The following SLC13A1 variants were observed in gnomAD, a reference collection of about 807,000 sequenced individuals.
The protein encoded by SLC13A1 is Na(+)/sulfate cotransporter.
A neutral mutation model predicts 70.0 loss-of-function variants in SLC13A1; 65 were observed. The observed-to-expected ratio is 0.93, with a 90% confidence interval of 0.76 to 1.14. SLC13A1 has a LOEUF of 1.14. Ranked by LOEUF, SLC13A1 falls within the 50% of genes most tolerant of loss-of-function variation. The probability of loss-of-function intolerance (pLI) is 0.00; values close to 1 mark genes in which losing one functional copy is unlikely to be tolerated. For missense variants in SLC13A1, 726 were observed against 717.8 expected (o/e 1.01, Z -0.13); for synonymous variants, 275 against 250.5 (o/e 1.10, Z -0.92).
intron 2 of SLC13A1, among the ~76,000 whole-genome samples, chr7:123,173,642 G>C (rs2116574223): frequency 6.6e-6 from 1 of 152,016 alleles, no homozygotes; most frequent in African/African-American, 2.4e-5. Context: ...AATACTGTTT[G>C]TTTACGTGCT....
At chr7:123,118,782 C>T (rs1379183933) in intron 13 of SLC13A1, among the ~76,000 whole-genome samples, 1 of 152,060 alleles carries the variant, frequency 6.6e-6, no homozygotes, top group Admixed American at 6.6e-5. Flanking sequence ...AATTCCAAGT[C>T]TTACATCTGA....
intron 6 of SLC13A1, among the ~76,000 whole-genome samples, chr7:123,162,345 A>C (rs1794943689): frequency 6.6e-6 from 1 of 152,154 alleles, no homozygotes; most frequent in Non-Finnish European, 1.5e-5. Flanking sequence ...CCATCAATGG[A>C]GATAGCACTT....
At chr7:123,132,670 T>G (rs1322889663) in intron 8 of SLC13A1, among the ~76,000 whole-genome samples, 1 of 152,220 alleles carries the variant, frequency 6.6e-6, no homozygotes, top group Non-Finnish European at 1.5e-5. Context: ...CATAGCTGGC[T>G]TCAGTCTCTC....
intron 8 of SLC13A1, among the ~76,000 whole-genome samples, chr7:123,132,190 A>C (rs1793787773): frequency 6.6e-6 from 1 of 152,068 alleles, no homozygotes. Flanking sequence ...CTGCTCCCAC[A>C]ATCTGGATAG....
rs1398854362 is a variant in SLC13A1, at chr7:123,171,445, A to G, written c.365+323T>C. On this transcript the variant is annotated intron_variant, in intron 3 of 14. Transcript: ENST00000194130. ...GCCAAATAAACAAGATCGGAGGAAA[A>G]TCTACTCTGAAGTCTATCAATCTTG... Among the ~76,000 whole-genome samples the G allele has an allele frequency of 2.6e-5, 4 of 152,290 alleles. No individual in the cohort carries two copies. The East Asian group carries it at 7.7e-4, about 29-fold the overall frequency.
intron 1 of SLC13A1, among the ~76,000 whole-genome samples, chr7:123,189,931 A>T (rs942092028): frequency 6.7e-6 from 1 of 149,194 alleles, no homozygotes; most frequent in Non-Finnish European, 1.5e-5. Context: ...CATCTTTTTT[A>T]AAAAAATTCT....
chr7:123,140,281 T>C (rs1794090495), intron 7 of SLC13A1, among the ~76,000 whole-genome samples: 2 of 152,186 alleles, frequency 1.3e-5, no homozygotes, highest in South Asian at 2.1e-4. Flanking sequence ...CAGGGATAAA[T>C]GCCATTTGGT....
chr7:123,179,881 C>T (rs1345708475), intron 2 of SLC13A1, among the ~76,000 whole-genome samples: 2 of 152,144 alleles, frequency 1.3e-5, no homozygotes, highest in South Asian at 4.1e-4. Flanking sequence ...ATTTGACACC[C>T]TATTTTTAAC....
chr7:123,174,923 G>A (rs535016697), intron 2 of SLC13A1, among the ~76,000 whole-genome samples: 1 of 151,998 alleles, frequency 6.6e-6, no homozygotes, highest in East Asian at 1.9e-4. Flanking sequence ...CATGGAAGAT[G>A]TCAGTTCTTC....
chr7:123,164,509 G>A (rs181487604), intron 6 of SLC13A1, among the ~76,000 whole-genome samples: 56 of 151,450 alleles, frequency 3.7e-4, no homozygotes, highest in African/African-American at 1.1e-3. Context: ...AATTTCATTA[G>A]AAATAAAATT....
At chr7:123,129,708 C>T (rs1461127868) in intron 8 of SLC13A1, among the ~76,000 whole-genome samples, 6 of 152,010 alleles carry the variant, frequency 3.9e-5, no homozygotes, top group African/African-American at 7.2e-5. Flanking sequence ...CTCACTTTTT[C>T]GTGTTCAATT....
intron 6 of SLC13A1, among the ~76,000 whole-genome samples, chr7:123,152,826 G>C (rs1282185902): frequency 6.6e-6 from 1 of 151,884 alleles, no homozygotes; most frequent in African/African-American, 2.4e-5. Context: ...ATTGAAATTT[G>C]ACACAAAATA....
Position 123,128,463 on chromosome 7 carries a change from G to T in SLC13A1, c.1133+382C>A, listed in dbSNP as rs142096880. Among the ~76,000 whole-genome samples, 454 of 152,018 alleles carry T rather than the reference G, an allele frequency of 3.0e-3. 2 individuals carry two copies. The highest frequency in any genetic ancestry group is 0.01 in the African/African-American group (424 of 41,388). On this transcript the variant is annotated intron_variant, in intron 10 of 14. Transcript: ENST00000194130. Reference sequence around the variant, plus strand: ...ATTAAGTGACTTGTCCAAAGTAAGGGGATGAGTCAGGAAAGGAACCCAAGC... The same window carrying T: ...ATTAAGTGACTTGTCCAAAGTAAGGTGATGAGTCAGGAAAGGAACCCAAGC...
At chr7:123,173,570 G>A (rs1795343587) in intron 2 of SLC13A1, among the ~76,000 whole-genome samples, 1 of 124,304 alleles carries the variant, frequency 8.0e-6, no homozygotes, top group Non-Finnish European at 1.7e-5. Context: ...TTCTAAATAG[G>A]TCCTATATTT....
At chr7:123,173,768 G>A (rs541834158) in intron 2 of SLC13A1, among the ~76,000 whole-genome samples, 33 of 150,196 alleles carry the variant, frequency 2.2e-4, no homozygotes, top group Non-Finnish European at 4.1e-4. Flanking sequence ...CATAGTGCTG[G>A]TACACAGTAG....
chr7:123,184,318 GA>G (rs1263065992), intron 1 of SLC13A1, among the ~76,000 whole-genome samples: 3 of 151,918 alleles, frequency 2.0e-5, no homozygotes, highest in Admixed American at 6.6e-5. Flanking sequence ...CATTTTTCAA[GA>G]GTACATAATG....
At chr7:123,188,293 G>A (rs903173112) in intron 1 of SLC13A1, among the ~76,000 whole-genome samples, 7 of 152,050 alleles carry the variant, frequency 4.6e-5, no homozygotes, top group Non-Finnish European at 7.4e-5. Context: ...TCCCAGTCAC[G>A]CTGAGTCAAT....
chr7:123,197,533 C>A (rs1796225453), intron 1 of SLC13A1, among the ~76,000 whole-genome samples: 1 of 151,966 alleles, frequency 6.6e-6, no homozygotes, highest in African/African-American at 2.4e-5. Flanking sequence ...TCATTGTAAG[C>A]AAGTTAAAAT....
At chr7:123,188,139 C>T (rs971010560) in intron 1 of SLC13A1, among the ~76,000 whole-genome samples, 8 of 152,136 alleles carry the variant, frequency 5.3e-5, no homozygotes, top group Non-Finnish European at 8.8e-5. Flanking sequence ...CCATGCTGTC[C>T]TCATAATAGT....
Sources: gnomAD v4.1 joint callset for allele counts (sites outside exome capture counted in the v4.1 genomes callset) on GRCh38, gnomAD v4.1.1 for gene constraint, MANE v1.5 for transcripts, NCBI Gene and HGNC (gene_info 2026-07-23, HGNC 2026-07-21) for gene names.